Variants in SUCLG2 observed in about 807,000 individuals in gnomAD.
SUCLG2 encodes the protein succinate--CoA ligase [GDP-forming] subunit beta, mitochondrial.
Under a neutral mutation model 47.9 loss-of-function variants are expected in SUCLG2, and 42 were observed. The observed-to-expected ratio is 0.88, with a 90% CI of 0.69 to 1.14. The LOEUF is 1.14. Among genes scored for constraint, SUCLG2 ranks in the 50% most tolerant of loss-of-function variants. The pLI is 0.00. For missense variants in SUCLG2, 571 were observed against 525.9 expected (o/e 1.09, Z -0.84); for synonymous variants, 195 against 197.3 (o/e 0.99, Z 0.10).
At chr3:67,525,441 A>G (rs1706230443) in intron 4 of SUCLG2, among the ~76,000 whole-genome samples, 1 of 152,214 alleles carries the variant, frequency 6.6e-6, no homozygotes, top group Admixed American at 6.5e-5. Flanking sequence ...GATCAATGGA[A>G]CAAAACAGAG....
intron 9 of SUCLG2, among the ~76,000 whole-genome samples, chr3:67,484,555 T>C (rs1575727744): frequency 6.6e-6 from 1 of 151,978 alleles, no homozygotes; most frequent in African/African-American, 2.4e-5. Context: ...GGGGAGAAAA[T>C]TCAGGAAAGC....
At position 67,554,188 on chromosome 3, in the gene SUCLG2, G is replaced by A. The variant is rs543199007; in HGVS notation, c.227-25002C>T. Among the ~76,000 whole-genome samples, 97 of 152,238 alleles carry A rather than the reference G, an allele frequency of 6.4e-4. 1 individual carries two copies. The highest frequency in any genetic ancestry group is 6.8e-3 in the Middle Eastern group (2 of 294). On this transcript the variant is annotated intron_variant, in intron 2 of 10. Coordinates refer to ENST00000307227, the MANE Select transcript of SUCLG2 (RefSeq NM_003848.4). ...CCCCATACAGAGTGATCTCAAAGAT[G>A]GCATCCCGGGGTTCCCTCAGGATGT...
At chr3:67,604,356 G>T (rs576076046) in intron 2 of SUCLG2, among the ~76,000 whole-genome samples, 12 of 152,214 alleles carry the variant, frequency 7.9e-5, no homozygotes, top group African/African-American at 2.9e-4. Context: ...TTATTAATAT[G>T]CATTTTCCAT....
At chr3:67,491,647 C>T (rs539103650) in intron 9 of SUCLG2, among the ~76,000 whole-genome samples, 1 of 152,068 alleles carries the variant, frequency 6.6e-6, no homozygotes, top group Admixed American at 6.6e-5. Context: ...CATGAGCCAC[C>T]GCATCCAGCC....
intron 3 of SUCLG2, 124 bp downstream of exon 3, chr3:67,528,963 T>C (rs1706329927): frequency 3.0e-6 from 2 of 673,616 alleles, no homozygotes; most frequent in Non-Finnish European, 5.0e-6. Context: ...GATTTCAGTT[T>C]CTTCTAGTTG....
Position 67,388,626 on chromosome 3 carries a change from C to A in SUCLG2, c.1183+12105G>T, listed in dbSNP as rs145615661. Among the ~76,000 whole-genome samples, 173 of 152,216 alleles carry A rather than the reference C, an allele frequency of 1.1e-3. 3 individuals are homozygous for A. In the East Asian group the frequency reaches 0.032, roughly 28 times the overall value. ...GCAGAAATTTGAAGAAGGTATTATC[C>A]ATAAAGGGAACTAAATGCAAATCAA... On this transcript the variant is annotated intron_variant, in intron 10 of 10. Transcript: ENST00000307227.
chr3:67,543,693 C>G, intron 2 of SUCLG2, among the ~76,000 whole-genome samples: 1 of 152,196 alleles, frequency 6.6e-6, no homozygotes, highest in Non-Finnish European at 1.5e-5. Context: ...GAGCAACAAC[C>G]AAACTATTAA....
chr3:67,643,417 T>C (rs1310777999), intron 1 of SUCLG2, among the ~76,000 whole-genome samples: 1 of 152,188 alleles, frequency 6.6e-6, no homozygotes, highest in Non-Finnish European at 1.5e-5. Flanking sequence ...TTCTGTAACC[T>C]GAAGTATGCT....
At chr3:67,451,846 G>T (rs1704063986) in intron 9 of SUCLG2, among the ~76,000 whole-genome samples, 1 of 152,078 alleles carries the variant, frequency 6.6e-6, no homozygotes, top group Non-Finnish European at 1.5e-5. Context: ...GGGAAGAGGG[G>T]GGCTGGGGAA....
chr3:67,430,529 C>T (rs1290699998), intron 9 of SUCLG2, among the ~76,000 whole-genome samples: 1 of 152,068 alleles, frequency 6.6e-6, no homozygotes, highest in African/African-American at 2.4e-5. Context: ...CCTAACATCA[C>T]AATTAAAAAG....
intron 4 of SUCLG2, among the ~76,000 whole-genome samples, chr3:67,522,765 G>A (rs771041690): frequency 2.7e-5 from 4 of 149,504 alleles, no homozygotes; most frequent in South Asian, 2.1e-4. Flanking sequence ...CCAGATTTAC[G>A]CCATTCTCCT....
intron 2 of SUCLG2, among the ~76,000 whole-genome samples, chr3:67,551,569 G>C (rs1302140301): frequency 6.6e-6 from 1 of 152,182 alleles, no homozygotes; most frequent in Admixed American, 6.6e-5. Context: ...CATCGATGCA[G>C]GGACTGATCC....
At chr3:67,629,185 T>G (rs1443671333) in intron 1 of SUCLG2, among the ~76,000 whole-genome samples, 6 of 152,194 alleles carry the variant, frequency 3.9e-5, no homozygotes, top group African/African-American at 9.6e-5. Context: ...ATATGTGTTA[T>G]TTCCTCAGAA....
chr3:67,382,297 G>A (rs918709120), intron 10 of SUCLG2, among the ~76,000 whole-genome samples: 4 of 152,294 alleles, frequency 2.6e-5, no homozygotes, highest in East Asian at 3.9e-4. Context: ...GAACTGGCCC[G>A]ACATCCCCAG....
intron 9 of SUCLG2, among the ~76,000 whole-genome samples, chr3:67,413,268 C>T (rs1011090334): frequency 3.3e-5 from 5 of 152,178 alleles, no homozygotes; most frequent in Non-Finnish European, 5.9e-5. Flanking sequence ...AAAACGGCTT[C>T]ATTCAGTTTA....
intron 1 of SUCLG2, among the ~76,000 whole-genome samples, chr3:67,622,711 T>C (rs1700756321): frequency 6.6e-6 from 1 of 152,160 alleles, no homozygotes; most frequent in Non-Finnish European, 1.5e-5. Flanking sequence ...TTAATAAAAT[T>C]AATAATTTTC....
intron 10 of SUCLG2, among the ~76,000 whole-genome samples, chr3:67,364,205 G>T (rs1701845674): frequency 6.6e-6 from 1 of 152,194 alleles, no homozygotes; most frequent in African/African-American, 2.4e-5. Flanking sequence ...CTATAAGGAG[G>T]AACCCAATCT....
At chr3:67,619,033 A>G (rs1466882719) in intron 1 of SUCLG2, among the ~76,000 whole-genome samples, 16 of 152,238 alleles carry the variant, frequency 1.1e-4, no homozygotes, top group Admixed American at 9.8e-4. Flanking sequence ...AAGCAGCATC[A>G]GTTTAAAATA....
At chr3:67,504,256 G>A (rs959406156) in intron 7 of SUCLG2, among the ~76,000 whole-genome samples, 1 of 151,400 alleles carries the variant, frequency 6.6e-6, no homozygotes. Context: ...GGTGGGTAGG[G>A]GGGTTGGGGG....
Sources: allele counts gnomAD v4.1 joint callset (sites outside exome capture counted in the v4.1 genomes callset), GRCh38; gene constraint gnomAD v4.1.1; transcripts MANE v1.5; gene names NCBI Gene and HGNC (gene_info 2026-07-23, HGNC 2026-07-21).